GMDS: variants seen among roughly 807,000 people sequenced by gnomAD.
GMDS encodes the protein GDP-mannose 4,6 dehydratase.
In GMDS, 20 loss-of-function variants were observed where a neutral mutation model predicts 49.9. That is an observed-to-expected ratio of 0.40 (90% CI 0.28 to 0.58). The LOEUF (loss-of-function observed/expected upper bound fraction) is 0.58, where lower values mean the gene tolerates loss of function less well. GMDS is among the 20% of genes least tolerant of loss of function. The pLI is 0.42. For missense variants in GMDS, 362 were observed against 481.4 expected (o/e 0.75, Z 2.32); for synonymous variants, 177 against 178.6 (o/e 0.99, Z 0.07).
intron 9 of GMDS, among the ~76,000 whole-genome samples, chr6:1,651,656 T>A (rs1268934953): frequency 6.6e-6 from 1 of 152,214 alleles, no homozygotes; most frequent in Non-Finnish European, 1.5e-5. Flanking sequence ...GATGTGAGCC[T>A]GTGGTTGGCA....
chr6:1,666,051 G>A (rs532906951), intron 9 of GMDS, among the ~76,000 whole-genome samples: 2 of 152,350 alleles, frequency 1.3e-5, no homozygotes, highest in East Asian at 3.9e-4. Context: ...CAGCAGAGGA[G>A]TGACAACGAC....
At chr6:1,668,297 A>G (rs6932087) in intron 9 of GMDS, among the ~76,000 whole-genome samples, 19,497 of 152,244 alleles carry the variant, frequency 0.13, 1,690 homozygotes, top group Non-Finnish European at 0.18. Flanking sequence ...GAACAAATAA[A>G]TGTTGAAGAT....
intron 7 of GMDS, among the ~76,000 whole-genome samples, chr6:1,880,554 T>C (rs1240475947): frequency 6.6e-6 from 1 of 152,196 alleles, no homozygotes; most frequent in Non-Finnish European, 1.5e-5. Context: ...CACTCTTCCT[T>C]TCCCTAACAC....
chr6:1,913,133 G>A lies in GMDS; in HGVS notation c.771+16970C>T, dbSNP rs537446887. Among the ~76,000 whole-genome samples, 53 of 152,180 alleles carry A rather than the reference G, an allele frequency of 3.5e-4. No homozygotes were observed. In the East Asian group the frequency reaches 8.1e-3, roughly 23 times the overall value. On this transcript the variant is annotated intron_variant, in intron 7 of 10. Transcript: ENST00000380815. ...GCGGTGGCTCACGCCTGTAATCCCA[G>A]CACTTTGGGAGGCCGAGGCGGGCGG...
chr6:1,928,851 C>A (rs1762150533), intron 7 of GMDS, among the ~76,000 whole-genome samples: 1 of 152,036 alleles, frequency 6.6e-6, no homozygotes. Context: ...TGCCTATAGT[C>A]CCACCTACGC....
intron 4 of GMDS, among the ~76,000 whole-genome samples, chr6:2,063,078 C>G (rs1771288298): frequency 6.6e-6 from 1 of 152,216 alleles, no homozygotes; most frequent in East Asian, 1.9e-4. Context: ...CACACAAGCC[C>G]AGGACAAGGT....
At chr6:1,913,312 C>T (rs1035007948) in intron 7 of GMDS, among the ~76,000 whole-genome samples, 2 of 142,388 alleles carry the variant, frequency 1.4e-5, no homozygotes, top group Non-Finnish European at 3.0e-5. Context: ...ACCCGGGAGG[C>T]GGAGCTTGCA....
At position 2,079,019 on chromosome 6, in the gene GMDS, C is replaced by CTTTTTTTTTTTT. The variant is rs386405902; in HGVS notation, c.345+36740_345+36751dup. On this transcript the variant is annotated intron_variant, in intron 4 of 10. Transcript: ENST00000380815. ...CTTTGTCATTGCATAATGACCTTGTCTTTTTTTTTTTTTTTTTTTTTTTTT... is the reference window on the plus strand; with the variant it reads ...CTTTGTCATTGCATAATGACCTTGTCTTTTTTTTTTTTTTTTTTTTTTTTTTTTTTTTTTTTT... Among the ~76,000 whole-genome samples, 19 of 33,992 alleles carry CTTTTTTTTTTTT rather than the reference C, an allele frequency of 5.6e-4. 2 individuals are homozygous for CTTTTTTTTTTTT. Among genetic ancestry groups the CTTTTTTTTTTTT allele is most frequent in the East Asian group, 2.7e-3 (2 of 748 alleles). The allele number at this position is 33,992 out of a possible 152,430, so 22.3% of individuals were successfully genotyped here. A position where few individuals can be genotyped will look rare whatever the true frequency, so the allele number is the denominator to read the frequency against.
At chr6:2,106,200 C>A (rs1264343617) in intron 4 of GMDS, among the ~76,000 whole-genome samples, 1 of 152,190 alleles carries the variant, frequency 6.6e-6, no homozygotes, top group African/African-American at 2.4e-5. Flanking sequence ...ACATTCAAAC[C>A]ATTTTCATAT....
At position 1,809,505 on chromosome 6, in the gene GMDS, T is replaced by C. The variant is rs576981680; in HGVS notation, c.772-66919A>G. On this transcript the variant is annotated intron_variant, in intron 7 of 10. Transcript: ENST00000380815. ...GGTCATAAATAACAAAATAATCTTG[T>C]GACTCATTGGATTTTTGATTCCCAA... Among the ~76,000 whole-genome samples, 401 of 152,326 alleles carry C rather than the reference T, an allele frequency of 2.6e-3. 3 individuals carry two copies. Among genetic ancestry groups the C allele is most frequent in the South Asian group, 0.012 (58 of 4,828 alleles).
chr6:1,913,329 C>A (rs372670954), intron 7 of GMDS, among the ~76,000 whole-genome samples: 2 of 148,088 alleles, frequency 1.4e-5, no homozygotes, highest in Non-Finnish European at 1.5e-5. Flanking sequence ...TGCAGTGAGC[C>A]GAGATCCTGC....
chr6:1,729,646 G>A (rs1303079996), intron 8 of GMDS, among the ~76,000 whole-genome samples: 1 of 152,218 alleles, frequency 6.6e-6, no homozygotes, highest in Non-Finnish European at 1.5e-5. Flanking sequence ...CCTAACAAGT[G>A]ATGTTACGAC....
chr6:2,001,615 T>G (rs1766822415), intron 4 of GMDS, among the ~76,000 whole-genome samples: 2 of 152,316 alleles, frequency 1.3e-5, no homozygotes, highest in Middle Eastern at 6.8e-3. Context: ...GTTGGAGGAC[T>G]CACACTTCCT....
chr6:1,833,053 A>G lies in GMDS; in HGVS notation c.772-90467T>C, dbSNP rs902622583. On this transcript the variant is annotated intron_variant, in intron 7 of 10. Coordinates refer to ENST00000380815, the MANE Select transcript of GMDS (RefSeq NM_001500.4). This position sits in a 1 kb window ranked among gnomAD's most constrained non-coding sequence, Gnocchi z 4.4. Reference sequence around the variant, plus strand: ...TTGTGGGGTTGGCCTCTGATCACTCACACAAAGGACGGAAAATTGCTGGCG... The same window carrying G: ...TTGTGGGGTTGGCCTCTGATCACTCGCACAAAGGACGGAAAATTGCTGGCG... Among the ~76,000 whole-genome samples, 8 of 151,222 alleles carry G rather than the reference A, an allele frequency of 5.3e-5. No individual in the cohort carries two copies. Among genetic ancestry groups the G allele is most frequent in the African/African-American group, 1.2e-4 (5 of 41,082 alleles).
intron 7 of GMDS, among the ~76,000 whole-genome samples, chr6:1,824,361 TACA>T (rs564086939): frequency 1.9e-4 from 29 of 152,296 alleles, no homozygotes; most frequent in South Asian, 6.2e-4. Flanking sequence ...CTACACTTTC[TACA>T]ACATCATTCT....
chr6:2,213,630 C>T (rs1397500050), intron 1 of GMDS, among the ~76,000 whole-genome samples: 1 of 152,174 alleles, frequency 6.6e-6, no homozygotes, highest in Non-Finnish European at 1.5e-5. Flanking sequence ...GGCCGTGCTT[C>T]AGTGCAGGGC....
intron 9 of GMDS, among the ~76,000 whole-genome samples, chr6:1,671,631 A>G (rs1158526234): frequency 6.6e-6 from 1 of 152,042 alleles, no homozygotes. Flanking sequence ...AGGTTGGTGC[A>G]AAAGTAATCT....
rs1007712901 is a variant in GMDS, at chr6:2,044,933, G to A, written c.345+70838C>T. Among the ~76,000 whole-genome samples the A allele has an allele frequency of 4.4e-4, 66 of 151,448 alleles. 1 individual carries two copies. The highest frequency in any genetic ancestry group is 1.6e-3 in the African/African-American group (66 of 41,224). On this transcript the variant is annotated intron_variant, in intron 4 of 10. Coordinates refer to ENST00000380815, the MANE Select transcript of GMDS (RefSeq NM_001500.4). Reference sequence around the variant, plus strand: ...CAGGCCTTTGATAACTTTACAATTCGATTAGGAACTATCTCACCTTTTTCA... The same window carrying A: ...CAGGCCTTTGATAACTTTACAATTCAATTAGGAACTATCTCACCTTTTTCA...
At chr6:2,111,209 C>T (rs982753167) in intron 4 of GMDS, among the ~76,000 whole-genome samples, 4 of 152,134 alleles carry the variant, frequency 2.6e-5, no homozygotes, top group African/African-American at 7.2e-5. Flanking sequence ...ACCAACCAAC[C>T]GCACAACCAC....
Sources: allele counts gnomAD v4.1 joint callset (sites outside exome capture counted in the v4.1 genomes callset), GRCh38; gene constraint gnomAD v4.1.1; non-coding constraint Gnocchi (gnomAD v3.1); transcripts MANE v1.5; gene names NCBI Gene and HGNC (gene_info 2026-07-23, HGNC 2026-07-21).